Variants in PDSS2 observed in about 807,000 individuals in gnomAD.
PDSS2 encodes all trans-polyprenyl-diphosphate synthase PDSS2.
A neutral mutation model predicts 44.5 loss-of-function variants in PDSS2; 31 were observed. The observed-to-expected ratio is 0.70, with a 90% CI of 0.52 to 0.94. The LOEUF is 0.94. Ranked by LOEUF, PDSS2 falls within the 40% of genes least tolerant of loss-of-function variation. PDSS2 has a pLI of 0.00. For missense variants in PDSS2, 452 were observed against 482.2 expected, an observed-to-expected ratio of 0.94 and a Z score of 0.59; for synonymous variants, 157 against 180.3, an observed-to-expected ratio of 0.87 and a Z score of 1.03.
At chr6:107,384,115 A>G (rs746833233) in intron 1 of PDSS2, among the ~76,000 whole-genome samples, 18 of 152,208 alleles carry the variant, frequency 1.2e-4, no homozygotes, top group Non-Finnish European at 8.8e-5. Context: ...ACATAGACGA[A>G]CCCTGAAGAT....
intron 7 of PDSS2, among the ~76,000 whole-genome samples, chr6:107,179,217 C>T (rs1055556710): frequency 3.3e-5 from 5 of 152,038 alleles, no homozygotes; most frequent in African/African-American, 1.2e-4. Flanking sequence ...GGCACCATTG[C>T]GCTACACACT....
At chr6:107,344,317 T>A (rs1277586969) in intron 1 of PDSS2, among the ~76,000 whole-genome samples, 1 of 152,200 alleles carries the variant, frequency 6.6e-6, no homozygotes. Flanking sequence ...ATAGTCTGCA[T>A]GTCACAGATT....
intron 2 of PDSS2, among the ~76,000 whole-genome samples, chr6:107,324,296 T>A (rs1777472716): frequency 6.6e-6 from 1 of 152,194 alleles, no homozygotes; most frequent in South Asian, 2.1e-4. Flanking sequence ...TTGAGATTTA[T>A]CTGAAAAGGA....
chr6:107,430,383 TC>T (rs1477680508), intron 1 of PDSS2, among the ~76,000 whole-genome samples: 1 of 151,550 alleles, frequency 6.6e-6, no homozygotes. Flanking sequence ...ATCTATAATC[TC>T]AGCTACTCAG....
intron 1 of PDSS2, among the ~76,000 whole-genome samples, chr6:107,413,801 G>A (rs1049598295): frequency 2.0e-5 from 3 of 152,224 alleles, no homozygotes; most frequent in South Asian, 2.1e-4. Flanking sequence ...ATGCATTCAC[G>A]TCTACTTTTG....
At chr6:107,318,505 TAAA>T (rs892003879) in intron 2 of PDSS2, among the ~76,000 whole-genome samples, 1 of 147,864 alleles carries the variant, frequency 6.8e-6, no homozygotes, top group Non-Finnish European at 1.5e-5. Flanking sequence ...ATGGTTAGCT[TAAA>T]AAAAAAAGAT....
intron 2 of PDSS2, among the ~76,000 whole-genome samples, chr6:107,311,372 A>G (rs1011728492): frequency 2.6e-5 from 4 of 151,644 alleles, no homozygotes; most frequent in Non-Finnish European, 4.4e-5. Context: ...ACTCCTGGTT[A>G]ATTTTTTATT....
At chr6:107,456,783 T>C (rs1782057347) in intron 1 of PDSS2, among the ~76,000 whole-genome samples, 1 of 152,166 alleles carries the variant, frequency 6.6e-6, no homozygotes, top group South Asian at 2.1e-4. Context: ...GCTCAAGCAA[T>C]CTTTCTACTT....
At chr6:107,266,496 A>G (rs1429872512) in intron 3 of PDSS2, among the ~76,000 whole-genome samples, 1 of 152,132 alleles carries the variant, frequency 6.6e-6, no homozygotes, top group African/African-American at 2.4e-5. Context: ...CACAGAATAA[A>G]GCCTTCAATT....
intron 1 of PDSS2, among the ~76,000 whole-genome samples, chr6:107,405,241 C>G (rs319055): frequency 0.71 from 108,463 of 151,906 alleles, 39,270 homozygotes; most frequent in Non-Finnish European, 0.79. Flanking sequence ...AATGCTGTAG[C>G]AATTCATCGC....
intron 2 of PDSS2, among the ~76,000 whole-genome samples, chr6:107,315,869 G>C (rs772703844): frequency 3.9e-5 from 6 of 152,244 alleles, no homozygotes; most frequent in Non-Finnish European, 5.9e-5. Flanking sequence ...GAAGGTGGGC[G>C]AACAAGTGAG....
intron 1 of PDSS2, among the ~76,000 whole-genome samples, chr6:107,455,979 C>T (rs995392003): frequency 6.6e-6 from 1 of 152,088 alleles, no homozygotes; most frequent in East Asian, 1.9e-4. Context: ...ATATTTATAA[C>T]AGCATTTTTC....
chr6:107,252,892 A>C (rs1376286816), intron 3 of PDSS2, among the ~76,000 whole-genome samples: 1 of 152,228 alleles, frequency 6.6e-6, no homozygotes. Context: ...GATTCATTTC[A>C]TGAACAGTTT....
intron 1 of PDSS2, among the ~76,000 whole-genome samples, chr6:107,349,686 T>C (rs145698680): frequency 0.011 from 1,595 of 149,618 alleles, 26 homozygotes; most frequent in African/African-American, 0.037. Flanking sequence ...GAGGAGGAGG[T>C]TGTAGTGAGC....
chr6:107,338,909 G>A (rs1777993523), intron 1 of PDSS2, among the ~76,000 whole-genome samples: 2 of 151,600 alleles, frequency 1.3e-5, no homozygotes, highest in South Asian at 4.2e-4. Flanking sequence ...TTTTCTTTTA[G>A]AGACAGGGTC....
chr6:107,260,752 C>T (rs1775189718), intron 3 of PDSS2, among the ~76,000 whole-genome samples: 1 of 150,518 alleles, frequency 6.6e-6, no homozygotes, highest in South Asian at 2.1e-4. Context: ...CAAGCTCCAC[C>T]TCCCGTGTTC....
chr6:107,393,063 T>C (rs1015628048), intron 1 of PDSS2, among the ~76,000 whole-genome samples: 7 of 152,182 alleles, frequency 4.6e-5, no homozygotes, highest in African/African-American at 1.7e-4. Context: ...GATTCTGCTC[T>C]ATATTACTGC....
At chr6:107,457,886 G>A (rs972552146) in intron 1 of PDSS2, among the ~76,000 whole-genome samples, 2 of 152,088 alleles carry the variant, frequency 1.3e-5, no homozygotes, top group Non-Finnish European at 1.5e-5. Context: ...TACTTACGTA[G>A]GAGATTACTG....
chr6:107,267,289 G>A (rs1775439594), intron 3 of PDSS2, among the ~76,000 whole-genome samples: 1 of 152,160 alleles, frequency 6.6e-6, no homozygotes, highest in Non-Finnish European at 1.5e-5. Context: ...AGCTAGAGCT[G>A]GTCATGTGCA....
Sources: gnomAD v4.1 joint callset for allele counts (sites outside exome capture counted in the v4.1 genomes callset) on GRCh38, gnomAD v4.1.1 for gene constraint, MANE v1.5 for transcripts, NCBI Gene and HGNC (gene_info 2026-07-23, HGNC 2026-07-21) for gene names.